Variants in NKAIN2 observed in about 807,000 individuals in gnomAD.
NKAIN2 encodes the protein sodium/potassium-transporting ATPase subunit beta-1-interacting protein 2.
Under a neutral mutation model 32.6 loss-of-function variants are expected in NKAIN2, and 14 were observed. The ratio of observed to expected loss-of-function variants is 0.43; its 90% CI spans 0.28 to 0.67. NKAIN2 has a LOEUF of 0.67. Ranked by LOEUF, NKAIN2 falls within the 30% of genes least tolerant of loss-of-function variation. NKAIN2 has a pLI of 0.17. For synonymous variants in NKAIN2, 80 were observed against 87.2 expected (o/e 0.92, Z 0.46); for missense variants, 198 against 258.3 (o/e 0.77, Z 1.60).
intron 1 of NKAIN2, among the ~76,000 whole-genome samples, chr6:123,883,843 C>G (rs368251117): frequency 8.0e-6 from 1 of 124,994 alleles, no homozygotes; most frequent in African/African-American, 3.2e-5. Context: ...TGCAGTGAAA[C>G]GAGATCGCGC....
At chr6:124,778,258 G>GAAAAAAAACTACAAGTTAAGGGA (rs5879762) in intron 4 of NKAIN2, among the ~76,000 whole-genome samples, 2 of 151,848 alleles carry the variant, frequency 1.3e-5, no homozygotes, top group Non-Finnish European at 2.9e-5. Flanking sequence ...GAAGTTAAGG[G>GAAAAAAAACTACAAGTTAAGGGA]AAAAAAACTA....
intron 4 of NKAIN2, 25 bp downstream of exon 4, chr6:124,658,411 C>A (rs753551916): frequency 1.2e-6 from 2 of 1,614,070 alleles, no homozygotes; most frequent in Non-Finnish European, 8.5e-7. Flanking sequence ...CCAACCGCTC[C>A]TTCTAGTGCC....
At chr6:124,111,572 T>G (rs1334219630) in intron 1 of NKAIN2, among the ~76,000 whole-genome samples, 1 of 152,076 alleles carries the variant, frequency 6.6e-6, no homozygotes, top group Non-Finnish European at 1.5e-5. Flanking sequence ...TCCCTTCACT[T>G]TCAGCCAATG....
intron 3 of NKAIN2, among the ~76,000 whole-genome samples, chr6:124,539,077 T>G (rs1470759081): frequency 6.6e-6 from 1 of 152,184 alleles, no homozygotes; most frequent in Non-Finnish European, 1.5e-5. Flanking sequence ...ATTATGTCTA[T>G]CCATACATTC....
At chr6:123,807,561 T>C (rs941134308) in intron 1 of NKAIN2, among the ~76,000 whole-genome samples, 1 of 152,122 alleles carries the variant, frequency 6.6e-6, no homozygotes, top group Non-Finnish European at 1.5e-5. Flanking sequence ...CTTGTGAAAG[T>C]TTTGGCATGT....
chr6:124,037,387 C>A (rs1452003934), intron 1 of NKAIN2, among the ~76,000 whole-genome samples: 1 of 152,112 alleles, frequency 6.6e-6, no homozygotes, highest in Non-Finnish European at 1.5e-5. Flanking sequence ...TATCAATAAT[C>A]TTTCTCTTCT....
At chr6:124,548,391 AATT>A in intron 3 of NKAIN2, among the ~76,000 whole-genome samples, 1 of 152,346 alleles carries the variant, frequency 6.6e-6, no homozygotes, top group Non-Finnish European at 1.5e-5. Context: ...CAGATAACAT[AATT>A]AAGATTTTGC....
chr6:124,242,702 C>T (rs1240359362), intron 1 of NKAIN2, among the ~76,000 whole-genome samples: 2 of 152,094 alleles, frequency 1.3e-5, no homozygotes, highest in Non-Finnish European at 2.9e-5. Flanking sequence ...CCATGGAATA[C>T]TATGCAGCCA....
chr6:123,883,641 TA>T (rs1433106958), intron 1 of NKAIN2, among the ~76,000 whole-genome samples: 15 of 60,910 alleles, frequency 2.5e-4, no homozygotes, highest in African/African-American at 6.5e-4. Context: ...ACCTCTTTTT[TA>T]AAAAAAAATT....
chr6:124,638,274 A>G (rs978901487), intron 3 of NKAIN2, among the ~76,000 whole-genome samples: 1 of 152,230 alleles, frequency 6.6e-6, no homozygotes, highest in African/African-American at 2.4e-5. Flanking sequence ...AAAATGGGTG[A>G]AAGACTTAAA....
At chr6:124,291,352 CT>C (rs79746290) in intron 2 of NKAIN2, among the ~76,000 whole-genome samples, 44,950 of 151,536 alleles carry the variant, frequency 0.3, 9,156 homozygotes, top group African/African-American at 0.58. Flanking sequence ...ATTGTGTAGT[CT>C]TTTTTTTATT....
chr6:124,249,288 T>G lies in NKAIN2; in HGVS notation c.55-33717T>G, dbSNP rs184587637. 1.2e-3 allele frequency among the ~76,000 whole-genome samples: 178 copies of G among 152,226 alleles called. 2 individuals carry two copies. The highest frequency in any genetic ancestry group is 3.9e-3 in the African/African-American group (163 of 41,554). ...TGACAGCAAAGCTCCTCCTCTTTCC[T>G]CTGTCGAAGTGAGTGGATTCTGCAA... On this transcript the variant is annotated intron_variant, in intron 1 of 6. Coordinates refer to ENST00000368417, the MANE Select transcript of NKAIN2 (RefSeq NM_001040214.3).
At position 124,275,485 on chromosome 6, in the gene NKAIN2, A is replaced by G. The variant is rs1264333754; in HGVS notation, c.55-7520A>G. Among the ~76,000 whole-genome samples, 7 of 152,136 alleles carry G rather than the reference A, an allele frequency of 4.6e-5. No homozygotes were observed. The East Asian group carries it at 1.2e-3, about 25-fold the overall frequency. The stretch of plus-strand genomic sequence containing the variant: ...CTTTATTGTGATGAACTATGTGGAG[A>G]CAGTTTTAAAAATAAATGTTGATTT... On this transcript the variant is annotated intron_variant, in intron 1 of 6. Transcript: ENST00000368417.
intron 3 of NKAIN2, among the ~76,000 whole-genome samples, chr6:124,387,800 T>C (rs746466116): frequency 6.6e-6 from 1 of 152,092 alleles, no homozygotes; most frequent in Non-Finnish European, 1.5e-5. Context: ...TGTATATCTC[T>C]GCATCTGTAC....
At chr6:124,496,392 A>G (rs1778064325) in intron 3 of NKAIN2, among the ~76,000 whole-genome samples, 1 of 152,192 alleles carries the variant, frequency 6.6e-6, no homozygotes, top group South Asian at 2.1e-4. Flanking sequence ...GCAAGGCTAT[A>G]TGTATGGTAG....
intron 1 of NKAIN2, among the ~76,000 whole-genome samples, chr6:124,091,875 C>T (rs915601564): frequency 2.0e-5 from 3 of 151,932 alleles, no homozygotes; most frequent in Non-Finnish European, 2.9e-5. Context: ...GCATCATATG[C>T]AGATCTTCAC....
chr6:124,088,238 T>C (rs984981), intron 1 of NKAIN2, among the ~76,000 whole-genome samples: 135,506 of 151,844 alleles, frequency 0.89, 60,462 homozygotes, highest in African/African-American at 0.92. Context: ...GGTAACACAG[T>C]AAGATTCCAT....
intron 3 of NKAIN2, among the ~76,000 whole-genome samples, chr6:124,382,247 G>A (rs1489541025): frequency 6.6e-6 from 1 of 151,874 alleles, no homozygotes; most frequent in Non-Finnish European, 1.5e-5. Context: ...TTACATCCTT[G>A]ATGCACACAT....
intron 3 of NKAIN2, among the ~76,000 whole-genome samples, chr6:124,369,536 G>A (rs1799662601): frequency 6.6e-6 from 1 of 151,998 alleles, no homozygotes; most frequent in Admixed American, 6.6e-5. Flanking sequence ...TGAGTTTTTT[G>A]TGTGTGATTT....
Sources: allele counts gnomAD v4.1 joint callset (sites outside exome capture counted in the v4.1 genomes callset), GRCh38; gene constraint gnomAD v4.1.1; transcripts MANE v1.5; gene names NCBI Gene and HGNC (gene_info 2026-07-23, HGNC 2026-07-21).